Variants in ZSCAN2 observed in about 807,000 individuals in gnomAD.
ZSCAN2 encodes the protein zinc finger and SCAN domain containing 2.
A neutral mutation model predicts 47.8 loss-of-function variants in ZSCAN2; 26 were observed. That is an observed-to-expected ratio of 0.54 (90% CI 0.40 to 0.75). The LOEUF (loss-of-function observed/expected upper bound fraction) is 0.75. Ranked by LOEUF, ZSCAN2 falls within the 30% of genes least tolerant of loss-of-function variation. The pLI is 0.00. For synonymous variants in ZSCAN2, 305 were observed against 288.7 expected, an observed-to-expected ratio of 1.06 and a Z score of -0.57; for missense variants, 732 against 785.4, an observed-to-expected ratio of 0.93 and a Z score of 0.81.
intron 2 of ZSCAN2, among the ~76,000 whole-genome samples, chr15:84,613,678 CTT>C (rs59871656): frequency 0.88 from 128,911 of 146,642 alleles, 56,622 homozygotes; most frequent in African/African-American, 0.94. Flanking sequence ...AGTAATCTTT[CTT>C]TTTTTTTTTT....
chr15:84,621,061 G>A lies in ZSCAN2; in HGVS notation c.866G>A (p.Arg289Gln), dbSNP rs370084599. The change falls in exon 3 of 3, where the codon CGG becomes CAG. Residue 289 changes from arginine (R) to glutamine (Q), a missense_variant. Arg to Gln is a conservative substitution (Grantham distance 43). Coordinates refer to ENST00000546148, the MANE Select transcript of ZSCAN2 (RefSeq NM_181877.4). This position sits in a 1 kb window ranked among gnomAD's most constrained non-coding sequence, Gnocchi z 5.7. ...KCRDCGKSFSRSANLITHQRI... is the reference protein window; with the variant it reads ...KCRDCGKSFSQSANLITHQRI... ...AGAGACTGTGGGAAGAGCTTTAGCC[G>A]GAGTGCCAACCTCATAACCCACCAG... The A allele has an allele frequency of 1.2e-5, 20 of 1,613,918 alleles. No homozygotes were observed. Among genetic ancestry groups the A allele is most frequent in the African/African-American group, 2.7e-5 (2 of 74,962 alleles).
At chr15:84,607,794 C>T (rs1358404902) in intron 2 of ZSCAN2, among the ~76,000 whole-genome samples, 1 of 152,200 alleles carries the variant, frequency 6.6e-6, no homozygotes, top group Non-Finnish European at 1.5e-5. Flanking sequence ...CAGGCGTGAG[C>T]CACCACGCCT....
chr15:84,601,637 G>A (rs1895205822), intron 1 of ZSCAN2, among the ~76,000 whole-genome samples: 1 of 151,350 alleles, frequency 6.6e-6, no homozygotes, highest in Non-Finnish European at 1.5e-5. Context: ...TTAAGCTTTT[G>A]TCAGCTTTTC....
rs1895839554 is a variant in ZSCAN2 at position 84,622,563 on chromosome 15, G to A, written c.*523G>A. 1.4e-6 allele frequency: 1 copy of A among 714,688 alleles called. No individual in the cohort carries two copies. The highest frequency in any genetic ancestry group is 2.0e-5 in the Admixed American group (1 of 49,608). 44.3% of individuals were successfully genotyped at this position (714,688 alleles called of 1,614,324 possible). A position where few individuals can be genotyped will look rare whatever the true frequency, so the allele number is the denominator to read the frequency against. ...TCTGCTCTTCTGGCTTTGGTGTCTT[G>A]GGCTTTGATTTCAGGTCAAGATGGA... On this transcript the variant is annotated 3_prime_UTR_variant, in exon 3 of 3. Transcript: ENST00000546148.
Position 84,622,888 on chromosome 15 carries a change from T to C in ZSCAN2, c.*848T>C. On this transcript the variant is annotated 3_prime_UTR_variant, in exon 3 of 3. Transcript: ENST00000546148. ...TCCGAGAGCCCTAGCTGCCAACCCA[T>C]GGTGGATGGTAACTTCTGTCTCATC... 1.7e-6 allele frequency: 1 copy of C among 581,462 alleles called. No homozygotes were observed. The highest frequency in any genetic ancestry group is 3.1e-6 in the Non-Finnish European group (1 of 320,222). The allele number at this position is 581,462 out of a possible 1,614,324, so 36.0% of individuals were successfully genotyped here.
Position 84,610,301 on chromosome 15 carries a change from A to T in ZSCAN2, c.406+5968A>T, listed in dbSNP as rs571121916. 1.2e-4 allele frequency among the ~76,000 whole-genome samples: 18 copies of T among 152,320 alleles called. No individual in the cohort carries two copies. The South Asian group carries it at 3.3e-3, about 28-fold the overall frequency. ...CCCAGATGGATTACAGATCTGTAATAGACAGGATCTGAAATGACATGTGAG... is the reference window on the plus strand; with the variant it reads ...CCCAGATGGATTACAGATCTGTAATTGACAGGATCTGAAATGACATGTGAG... On this transcript the variant is annotated intron_variant, in intron 2 of 2. Coordinates refer to ENST00000546148, the MANE Select transcript of ZSCAN2 (RefSeq NM_181877.4).
intron 2 of ZSCAN2, among the ~76,000 whole-genome samples, chr15:84,615,700 G>C (rs978042803): frequency 6.6e-6 from 1 of 151,934 alleles, no homozygotes; most frequent in Non-Finnish European, 1.5e-5. Flanking sequence ...TTCTTATTTT[G>C]GTCCTCTTTT....
At chr15:84,601,405 G>T (rs537401393) in intron 1 of ZSCAN2, among the ~76,000 whole-genome samples, 2 of 152,204 alleles carry the variant, frequency 1.3e-5, no homozygotes, top group East Asian at 3.9e-4. Flanking sequence ...ACGACATCCC[G>T]CGCAGCGTAC....
At chr15:84,604,452 T>A in intron 2 of ZSCAN2, 119 bp downstream of exon 2, 1 of 1,265,048 alleles carries the variant, frequency 7.9e-7, no homozygotes, top group South Asian at 1.5e-5. Flanking sequence ...GCGCCATCCC[T>A]CTGCTCTGTC....
intron 2 of ZSCAN2, among the ~76,000 whole-genome samples, chr15:84,618,643 C>T (rs1256518756): frequency 6.6e-6 from 1 of 151,502 alleles, no homozygotes; most frequent in Non-Finnish European, 1.5e-5. Flanking sequence ...CTCACCAAAG[C>T]GTCCACCTCC....
chr15:84,615,870 T>G (rs1895679297), intron 2 of ZSCAN2, among the ~76,000 whole-genome samples: 1 of 152,192 alleles, frequency 6.6e-6, no homozygotes, highest in Non-Finnish European at 1.5e-5. Flanking sequence ...CAAGCTCTTC[T>G]CTGTGGTATT....
rs929678707 is a variant in ZSCAN2, at chr15:84,622,826, G to C, written c.*786G>C. ...GATCAGCTACCAGGGGAACACATTT[G>C]TTCTCGTGGGGTTTTGTCCTGGAGA... is the stretch of plus-strand genomic sequence containing the variant. On this transcript the variant is annotated 3_prime_UTR_variant, in exon 3 of 3. Coordinates refer to ENST00000546148, the MANE Select transcript of ZSCAN2 (RefSeq NM_181877.4). The C allele has an allele frequency of 9.5e-6, 6 of 631,180 alleles. No individual in the cohort carries two copies. The highest frequency in any genetic ancestry group is 1.7e-5 in the Non-Finnish European group (6 of 346,128). The allele number at this position is 631,180 out of a possible 1,614,324, so 39.1% of individuals were successfully genotyped here.
chr15:84,620,495 T>A (rs945632320), intron 2 of ZSCAN2, 107 bp from the exon 3 acceptor site: 2 of 985,500 alleles, frequency 2.0e-6, no homozygotes, highest in Non-Finnish European at 3.1e-6. Context: ...TTCTAGCCTC[T>A]TTGTGTTCAC....
intron 2 of ZSCAN2, among the ~76,000 whole-genome samples, chr15:84,604,738 C>CTTTTTTTTT (rs11459006): frequency 9.3e-5 from 12 of 129,024 alleles, no homozygotes; most frequent in South Asian, 2.5e-4. Flanking sequence ...TTTCTTTTTT[C>CTTTTTTTTT]TTTTTTTTTT....
At chr15:84,614,006 T>TTTTTTTTC (rs57369477) in intron 2 of ZSCAN2, among the ~76,000 whole-genome samples, 1 of 116,126 alleles carries the variant, frequency 8.6e-6, no homozygotes, top group Non-Finnish European at 1.8e-5. Flanking sequence ...TTTTTTTTTT[T>TTTTTTTTC]CAGAGACAGA....
In ZSCAN2 at chr15:84,620,814, G is replaced by C. The variant is rs1370468857; in HGVS notation, c.619G>C (p.Gly207Arg). 5 of 1,614,116 alleles carry C rather than the reference G, an allele frequency of 3.1e-6. No individual in the cohort carries two copies. Among genetic ancestry groups the C allele is most frequent in the Non-Finnish European group, 4.2e-6 (5 of 1,180,054 alleles). The change falls in exon 3 of 3, where the codon GGC (glycine) becomes CGC (arginine). Residue 207 changes from glycine to arginine, a missense_variant. This residue lies in a region of ZSCAN2 where 320 missense variants were observed against 287.4 expected (regional missense o/e 1.11). Transcript: ENST00000546148. ...GGTGGTTTCTCAGGACAGGGAAGTT[G>C]GCCAGCTCATAGGCCTGCAGGGCAC... ...GEVVSQDREV[G>R]QLIGLQGTYL...
intron 2 of ZSCAN2, among the ~76,000 whole-genome samples, chr15:84,619,481 G>A (rs1202751085): frequency 6.6e-6 from 1 of 151,864 alleles, no homozygotes; most frequent in Non-Finnish European, 1.5e-5. Flanking sequence ...CAAATTTGAG[G>A]GCTCTTTTAA....
intron 2 of ZSCAN2, among the ~76,000 whole-genome samples, chr15:84,611,293 T>G (rs1215324839): frequency 6.7e-6 from 1 of 149,302 alleles, no homozygotes; most frequent in Non-Finnish European, 1.5e-5. Flanking sequence ...AAAAAAAAAT[T>G]TTTTTCTTTT....
At chr15:84,609,846 C>T (rs986189049) in intron 2 of ZSCAN2, among the ~76,000 whole-genome samples, 5 of 152,198 alleles carry the variant, frequency 3.3e-5, no homozygotes, top group Admixed American at 2.0e-4. Flanking sequence ...AAACACACAC[C>T]AAAGCACCAA....
Sources: allele counts gnomAD v4.1 joint callset (sites outside exome capture counted in the v4.1 genomes callset), GRCh38; gene constraint gnomAD v4.1.1; regional missense constraint gnomAD v4.1.1; non-coding constraint Gnocchi (gnomAD v3.1); transcripts MANE v1.5; gene names NCBI Gene and HGNC (gene_info 2026-07-23, HGNC 2026-07-21).